The following GAN variants were observed in gnomAD, a reference collection of about 807,000 sequenced individuals.
GAN encodes epididymis secretory sperm binding protein.
GAN carries 48 observed loss-of-function variants against 71.3 expected under a neutral mutation model. The observed-to-expected ratio is 0.67, with a 90% CI of 0.53 to 0.86. GAN has a LOEUF of 0.86. Among genes scored for constraint, GAN ranks in the 40% least tolerant of loss-of-function variants. The pLI is 0.00. For synonymous variants in GAN, 386 were observed against 276.8 expected (o/e 1.39, Z -3.92); for missense variants, 928 against 770.1 (o/e 1.21, Z -2.43).
intron 9 of GAN, among the ~76,000 whole-genome samples, chr16:81,373,392 A>G (rs548461172): frequency 2.6e-4 from 39 of 152,356 alleles, no homozygotes; most frequent in Non-Finnish European, 4.1e-4. Context: ...CTGAGGGAAC[A>G]TTATTATTAC....
At chr16:81,325,775 A>G (rs543375974) in intron 1 of GAN, among the ~76,000 whole-genome samples, 4 of 152,250 alleles carry the variant, frequency 2.6e-5, no homozygotes, top group Non-Finnish European at 4.4e-5. Flanking sequence ...CTGGCTGCCT[A>G]GGGAAAGTGG....
At chr16:81,358,608 C>CA (rs960084138) in intron 5 of GAN, among the ~76,000 whole-genome samples, 299 of 119,168 alleles carry the variant, frequency 2.5e-3, no homozygotes, top group Middle Eastern at 0.017. Flanking sequence ...GACCCTGTCT[C>CA]AAAAAAAAAA....
chr16:81,352,706 G>C (rs1236624827), intron 2 of GAN, among the ~76,000 whole-genome samples: 1 of 152,152 alleles, frequency 6.6e-6, no homozygotes, highest in Non-Finnish European at 1.5e-5. Flanking sequence ...GTTTTGGTTT[G>C]ATTTCATGCT....
chr16:81,318,967 CT>C (rs1909135493), intron 1 of GAN, among the ~76,000 whole-genome samples: 1 of 152,094 alleles, frequency 6.6e-6, no homozygotes, highest in Admixed American at 6.5e-5. Context: ...GCTTTTCCTC[CT>C]TTTGGTTCCT....
At chr16:81,320,200 C>T (rs921086152) in intron 1 of GAN, among the ~76,000 whole-genome samples, 3 of 152,126 alleles carry the variant, frequency 2.0e-5, no homozygotes, top group Non-Finnish European at 2.9e-5. Flanking sequence ...CTTAAGGAGA[C>T]TAATAGGATC....
intron 9 of GAN, among the ~76,000 whole-genome samples, chr16:81,370,350 C>G (rs1375765017): frequency 6.6e-6 from 1 of 152,156 alleles, no homozygotes; most frequent in Admixed American, 6.5e-5. Context: ...ACATCTGTTT[C>G]AGTCATGGTC....
At chr16:81,340,962 C>G (rs969874222) in intron 1 of GAN, among the ~76,000 whole-genome samples, 1 of 151,716 alleles carries the variant, frequency 6.6e-6, no homozygotes, top group Non-Finnish European at 1.5e-5. Context: ...CCTGATGGAG[C>G]TGAAAACCAC....
At chr16:81,347,677 G>A (rs1910165753) in intron 1 of GAN, among the ~76,000 whole-genome samples, 1 of 152,076 alleles carries the variant, frequency 6.6e-6, no homozygotes, top group Non-Finnish European at 1.5e-5. Flanking sequence ...AAAAATCTAG[G>A]TCTGAAATAA....
intron 1 of GAN, among the ~76,000 whole-genome samples, chr16:81,338,035 A>C (rs1909822634): frequency 6.6e-6 from 1 of 152,182 alleles, no homozygotes; most frequent in Non-Finnish European, 1.5e-5. Context: ...AAGAGATTGC[A>C]AATCACCTTA....
intron 2 of GAN, among the ~76,000 whole-genome samples, chr16:81,352,233 A>T (rs1285193411): frequency 1.3e-5 from 2 of 152,122 alleles, no homozygotes; most frequent in African/African-American, 2.4e-5. Context: ...TAGTACCCAC[A>T]TCCCTGCCCC....
intron 1 of GAN, among the ~76,000 whole-genome samples, chr16:81,318,921 A>G (rs1208370047): frequency 1.3e-5 from 2 of 152,184 alleles, no homozygotes; most frequent in Admixed American, 1.3e-4. Context: ...AGTAAATGGC[A>G]TGCATGCCCC....
chr16:81,372,610 A>T (rs1400447506), intron 9 of GAN, among the ~76,000 whole-genome samples: 1 of 152,192 alleles, frequency 6.6e-6, no homozygotes, highest in Admixed American at 6.5e-5. Context: ...AAACCCAGGA[A>T]CTGAATCATT....
chr16:81,362,669 GTTTGT>G (rs1307070322), intron 6 of GAN, 58 bp downstream of exon 6: 8 of 948,106 alleles, frequency 8.4e-6, no homozygotes, highest in African/African-American at 1.6e-5. Context: ...TAGCGCTTCT[GTTTGT>G]TTTGTGTCTG....
chr16:81,332,346 G>C (rs1909610325), intron 1 of GAN, among the ~76,000 whole-genome samples: 1 of 152,196 alleles, frequency 6.6e-6, no homozygotes, highest in Non-Finnish European at 1.5e-5. Context: ...TTGTGGAAAA[G>C]TTAGTTCTTG....
At chr16:81,323,508 T>C (rs578121570) in intron 1 of GAN, among the ~76,000 whole-genome samples, 35 of 152,360 alleles carry the variant, frequency 2.3e-4, no homozygotes, top group Middle Eastern at 3.4e-3. Flanking sequence ...TTAACCCATA[T>C]GCTGTGGGGT....
chr16:81,340,225 C>T (rs1909896055), intron 1 of GAN, among the ~76,000 whole-genome samples: 1 of 152,212 alleles, frequency 6.6e-6, no homozygotes, highest in Non-Finnish European at 1.5e-5. Flanking sequence ...AGGCGTGAGC[C>T]ACTGTGCCCA....
rs554430005 is a variant in GAN, at chr16:81,377,516, G to T, written c.1714G>T (p.Ala572Ser). The T allele has an allele frequency of 6.2e-7, 1 of 1,614,174 alleles. No individual in the cohort carries two copies. Among genetic ancestry groups the T allele is most frequent in the Admixed American group, 1.7e-5 (1 of 60,028 alleles). ...PSDLRRTGCA[A>S]LRIANCKLFR... Reference sequence around the variant, plus strand: ...CGACCTTCGCCGTACAGGATGTGCAGCCTTACGCATTGCGAATTGCAAGCT... The same window carrying T: ...CGACCTTCGCCGTACAGGATGTGCATCCTTACGCATTGCGAATTGCAAGCT... Residue 572 changes from alanine to serine, a missense_variant, in exon 11 of 11, where the codon GCC becomes TCC. Ala to Ser is a moderately conservative substitution (Grantham distance 99, BLOSUM62 1). Transcript: ENST00000648994.
chr16:81,333,387 G>A (rs1423625661), intron 1 of GAN, among the ~76,000 whole-genome samples: 1 of 152,042 alleles, frequency 6.6e-6, no homozygotes, highest in Non-Finnish European at 1.5e-5. Flanking sequence ...ATCCACTTCT[G>A]TTTTATAACC....
chr16:81,373,520 G>A (rs189453377), intron 9 of GAN, among the ~76,000 whole-genome samples: 40 of 152,326 alleles, frequency 2.6e-4, no homozygotes, highest in African/African-American at 8.2e-4. Flanking sequence ...ATTTCCATAA[G>A]CCATTCAATC....
Sources: allele counts gnomAD v4.1 joint callset (sites outside exome capture counted in the v4.1 genomes callset), GRCh38; gene constraint gnomAD v4.1.1; transcripts MANE v1.5; gene names NCBI Gene and HGNC (gene_info 2026-07-23, HGNC 2026-07-21).